ADGRL2: variants seen among roughly 807,000 people sequenced by gnomAD.
ADGRL2 encodes the protein calcium-independent alpha-latrotoxin receptor 2.
Under a neutral mutation model 157.4 loss-of-function variants are expected in ADGRL2, and 44 were observed. That is an observed-to-expected ratio of 0.28 (90% confidence interval 0.22 to 0.36). The LOEUF is 0.36. ADGRL2 is among the 10% of genes least tolerant of loss of function. The probability of loss-of-function intolerance (pLI) is 1.00; values close to 1 mark genes in which losing one functional copy is unlikely to be tolerated. For synonymous variants in ADGRL2, 585 were observed against 624.7 expected, an observed-to-expected ratio of 0.94 and a Z score of 0.95; for missense variants, 1,510 against 1,768.9, an observed-to-expected ratio of 0.85 and a Z score of 2.63.
chr1:81,486,751 T>A (rs918590955), intron 2 of ADGRL2, among the ~76,000 whole-genome samples: 19 of 152,290 alleles, frequency 1.2e-4, no homozygotes, highest in African/African-American at 4.6e-4. Context: ...GCTTTGGACA[T>A]ATAAGTTAGA....
intron 2 of ADGRL2, among the ~76,000 whole-genome samples, chr1:81,482,912 C>A (rs1306073927): frequency 6.6e-6 from 1 of 151,878 alleles, no homozygotes; most frequent in Non-Finnish European, 1.5e-5. Context: ...ATCCTGTACA[C>A]CACACTAATT....
intron 6 of ADGRL2, among the ~76,000 whole-genome samples, chr1:81,947,893 G>A (rs1650391744): frequency 1.3e-5 from 2 of 152,110 alleles, no homozygotes; most frequent in South Asian, 4.1e-4. Context: ...TGAAGAATAA[G>A]TTGATTCCCT....
chr1:81,795,416 G>C (rs2087538057), upstream of ADGRL2, among the ~76,000 whole-genome samples: 2 of 151,854 alleles, frequency 1.3e-5, no homozygotes, highest in South Asian at 4.2e-4. Context: ...ACATAAATAA[G>C]TTTTTTTGTG....
chr1:81,711,137 G>A (rs376454307), intron 1 of ADGRL2, among the ~76,000 whole-genome samples: 3 of 152,142 alleles, frequency 2.0e-5, no homozygotes, highest in Non-Finnish European at 2.9e-5. Context: ...TACATATTAC[G>A]AAGCTGTCAA....
chr1:81,763,463 C>T (rs2085973711), intron 2 of ADGRL2, among the ~76,000 whole-genome samples: 1 of 151,382 alleles, frequency 6.6e-6, no homozygotes, highest in Admixed American at 6.6e-5. Context: ...GTGGTGAGTC[C>T]CTATAATCCC....
At chr1:81,895,393 C>CTTTTT (rs34557038) in intron 2 of ADGRL2, among the ~76,000 whole-genome samples, 31 of 97,582 alleles carry the variant, frequency 3.2e-4, no homozygotes, top group Middle Eastern at 7.0e-3. Flanking sequence ...TTAAATGTAT[C>CTTTTT]TTTTTTTTTT....
intron 2 of ADGRL2, among the ~76,000 whole-genome samples, chr1:81,532,543 A>G (rs913355171): frequency 6.6e-6 from 1 of 152,010 alleles, no homozygotes; most frequent in African/African-American, 2.4e-5. Context: ...TTCAGGCTGA[A>G]CAAAAACCAA....
chr1:81,511,431 C>T (rs892982292), intron 2 of ADGRL2, among the ~76,000 whole-genome samples: 2 of 146,134 alleles, frequency 1.4e-5, no homozygotes, highest in African/African-American at 5.2e-5. Flanking sequence ...CACACATAGA[C>T]ACATACAAGA....
chr1:81,649,829 C>T (rs941633946), intron 3 of ADGRL2, among the ~76,000 whole-genome samples: 1 of 152,178 alleles, frequency 6.6e-6, no homozygotes, highest in Non-Finnish European at 1.5e-5. Context: ...GATGGAAAAG[C>T]ACTGACTCCC....
At chr1:81,987,444 T>C in intron 22 of ADGRL2, 1 of 792,718 alleles carries the variant, frequency 1.3e-6, no homozygotes, top group Non-Finnish European at 2.3e-6. Flanking sequence ...GATGCCTAGC[T>C]ATAGAAAACC....
At chr1:81,615,710 AG>A (rs1272805928) in intron 3 of ADGRL2, among the ~76,000 whole-genome samples, 5 of 152,216 alleles carry the variant, frequency 3.3e-5, no homozygotes, top group Non-Finnish European at 7.3e-5. Context: ...GCATTATTTG[AG>A]GTCCCATCTA....
At chr1:81,755,427 A>G (rs1337887981) in intron 1 of ADGRL2, among the ~76,000 whole-genome samples, 5 of 152,020 alleles carry the variant, frequency 3.3e-5, no homozygotes, top group Admixed American at 2.0e-4. Flanking sequence ...ATTTTATACT[A>G]TGATAAGAAC....
At chr1:81,419,136 T>A (rs1050236743) in intron 1 of ADGRL2, among the ~76,000 whole-genome samples, 1 of 151,680 alleles carries the variant, frequency 6.6e-6, no homozygotes, top group African/African-American at 2.4e-5. Flanking sequence ...AAGTGGAGCA[T>A]ATTTGTACTT....
intron 19 of ADGRL2, among the ~76,000 whole-genome samples, chr1:81,983,808 A>G (rs1414437947): frequency 6.6e-6 from 1 of 151,926 alleles, no homozygotes; most frequent in Non-Finnish European, 1.5e-5. Flanking sequence ...TTTAGTTGAA[A>G]CTTTTTTTAG....
chr1:81,945,409 C>T (rs1201695031), intron 6 of ADGRL2, among the ~76,000 whole-genome samples: 3 of 151,112 alleles, frequency 2.0e-5, no homozygotes, highest in African/African-American at 7.3e-5. Context: ...TTGTCATCCT[C>T]AGAAAAAAAA....
intron 1 of ADGRL2, among the ~76,000 whole-genome samples, chr1:81,334,290 T>G (rs1661475208): frequency 6.6e-6 from 1 of 152,212 alleles, no homozygotes; most frequent in African/African-American, 2.4e-5. Flanking sequence ...GGCCATCATG[T>G]GAACATAAAT....
At chr1:81,844,399 T>C (rs2092708595) in intron 2 of ADGRL2, among the ~76,000 whole-genome samples, 1 of 152,218 alleles carries the variant, frequency 6.6e-6, no homozygotes, top group African/African-American at 2.4e-5. Context: ...ACTTTAATTT[T>C]TTAATATACG....
chr1:81,762,559 C>T (rs959067142), intron 2 of ADGRL2, among the ~76,000 whole-genome samples: 1 of 151,986 alleles, frequency 6.6e-6, no homozygotes, highest in South Asian at 2.1e-4. Flanking sequence ...CTATGATGCT[C>T]TTTTATTTTT....
chr1:81,457,609 C>T (rs1349923155), intron 2 of ADGRL2, among the ~76,000 whole-genome samples: 1 of 152,002 alleles, frequency 6.6e-6, no homozygotes, highest in Non-Finnish European at 1.5e-5. Flanking sequence ...TTTTCTTTTA[C>T]TTTTTGTTAA....
Sources: gnomAD v4.1 joint callset for allele counts (sites outside exome capture counted in the v4.1 genomes callset) on GRCh38, gnomAD v4.1.1 for gene constraint, MANE v1.5 for transcripts, NCBI Gene and HGNC (gene_info 2026-07-23, HGNC 2026-07-21) for gene names.